Variants in CIMIP6 observed in about 807,000 individuals in gnomAD.
The protein encoded by CIMIP6 is ciliary microtubule inner protein 6, also known as uncharacterized protein C2orf73.
the CIMIP6 span, among the ~76,000 whole-genome samples, chr2:54,332,960 G>A: frequency 2.0e-5 from 3 of 152,276 alleles, no homozygotes; most frequent in East Asian, 5.8e-4. Context: ...TGGGAAGCAG[G>A]GAACTAGAAT....
chr2:54,371,669 G>A, the CIMIP6 span, among the ~76,000 whole-genome samples: 1 of 152,242 alleles, frequency 6.6e-6, no homozygotes, highest in Non-Finnish European at 1.5e-5. Context: ...GGTGGGCGAA[G>A]GCAAGGGCAG....
At chr2:54,349,235 A>G in the CIMIP6 span, among the ~76,000 whole-genome samples, 1 of 152,088 alleles carries the variant, frequency 6.6e-6, no homozygotes, top group Non-Finnish European at 1.5e-5. Context: ...TTTTTACTGT[A>G]TTTTGAAAAT....
the CIMIP6 span, among the ~76,000 whole-genome samples, chr2:54,364,806 G>A: frequency 1.1e-3 from 165 of 152,280 alleles, 4 homozygotes; most frequent in East Asian, 0.03. Context: ...AACGGACTAC[G>A]TTGATGTTGG....
chr2:54,349,245 T>C, the CIMIP6 span, among the ~76,000 whole-genome samples: 1 of 152,124 alleles, frequency 6.6e-6, no homozygotes, highest in Non-Finnish European at 1.5e-5. Context: ...ATTTTGAAAA[T>C]CTATACTATT....
the CIMIP6 span, among the ~76,000 whole-genome samples, chr2:54,371,323 A>C: frequency 2.0e-5 from 3 of 152,212 alleles, no homozygotes; most frequent in Admixed American, 6.5e-5. Flanking sequence ...AGGTGCCACC[A>C]CTGGGGCTGA....
At chr2:54,359,486 T>C in the CIMIP6 span, among the ~76,000 whole-genome samples, 1 of 152,108 alleles carries the variant, frequency 6.6e-6, no homozygotes, top group East Asian at 1.9e-4. Context: ...CAAAGCATGC[T>C]GGGCACAGTG....
the CIMIP6 span, chr2:54,339,846 C>T: frequency 1.5e-5 from 3 of 205,938 alleles, 1 homozygote; most frequent in East Asian, 5.2e-4. Flanking sequence ...TAACTAGTTC[C>T]TCTAGGATAC....
the CIMIP6 span, chr2:54,360,286 T>G: frequency 3.3e-5 from 54 of 1,612,084 alleles, no homozygotes; most frequent in Non-Finnish European, 4.5e-5. Flanking sequence ...TACTGAACAC[T>G]CCAGGGTCAC....
At chr2:54,331,006 G>A in the CIMIP6 span, 1 of 1,613,788 alleles carries the variant, frequency 6.2e-7, no homozygotes, top group Non-Finnish European at 8.5e-7. Context: ...GCATCAGTAA[G>A]TGCTGGGGTT....
chr2:54,367,671 C>T, the CIMIP6 span, among the ~76,000 whole-genome samples: 1 of 151,962 alleles, frequency 6.6e-6, no homozygotes, highest in African/African-American at 2.4e-5. Flanking sequence ...AAACCCTTTC[C>T]ACCACAGAAC....
At chr2:54,350,086 C>T in the CIMIP6 span, among the ~76,000 whole-genome samples, 1 of 152,174 alleles carries the variant, frequency 6.6e-6, no homozygotes, top group Non-Finnish European at 1.5e-5. Context: ...GAACTCCTGA[C>T]CTCAGGTGAT....
chr2:54,356,968 TA>T, the CIMIP6 span, among the ~76,000 whole-genome samples: 1,441 of 151,994 alleles, frequency 9.5e-3, 26 homozygotes, highest in African/African-American at 0.033. Flanking sequence ...ATGATATTCA[TA>T]AAAAAAATGG....
chr2:54,358,904 A>G, the CIMIP6 span: 9 of 782,976 alleles, frequency 1.1e-5, no homozygotes, highest in South Asian at 1.9e-5. Flanking sequence ...TACTGATTAT[A>G]TGTCCATAAA....
At chr2:54,382,296 T>C in the CIMIP6 span, among the ~76,000 whole-genome samples, 1 of 152,200 alleles carries the variant, frequency 6.6e-6, no homozygotes, top group Non-Finnish European at 1.5e-5. Context: ...ACAATAAAAC[T>C]GAGCCAGTGC....
chr2:54,331,530 CT>C, the CIMIP6 span, among the ~76,000 whole-genome samples: 1 of 152,116 alleles, frequency 6.6e-6, no homozygotes, highest in African/African-American at 2.4e-5. Context: ...CCTATGGAGT[CT>C]ACACAACACG....
the CIMIP6 span, among the ~76,000 whole-genome samples, chr2:54,354,860 T>A: frequency 1.3e-5 from 2 of 152,020 alleles, no homozygotes; most frequent in Non-Finnish European, 2.9e-5. Flanking sequence ...AACAATAGAA[T>A]TTTAGTTCTG....
At chr2:54,360,540 C>T in the CIMIP6 span, 1 of 1,500,266 alleles carries the variant, frequency 6.7e-7, no homozygotes, top group Non-Finnish European at 8.9e-7. Context: ...CCTTTAAATC[C>T]ACCAATTAAA....
At chr2:54,333,904 A>G in the CIMIP6 span, among the ~76,000 whole-genome samples, 329 of 152,236 alleles carry the variant, frequency 2.2e-3, 1 homozygote, top group African/African-American at 7.3e-3. Flanking sequence ...AAGGAAAAAA[A>G]GAAAAATGAT....
the CIMIP6 span, among the ~76,000 whole-genome samples, chr2:54,363,382 T>C: frequency 1.3e-5 from 2 of 152,186 alleles, no homozygotes; most frequent in Admixed American, 6.5e-5. Flanking sequence ...GTGTATGATT[T>C]GATTCATGCC....
Sources: gnomAD v4.1 joint callset for allele counts (sites outside exome capture counted in the v4.1 genomes callset) on GRCh38, gnomAD v4.1.1 for gene constraint, MANE v1.5 for transcripts, NCBI Gene and HGNC (gene_info 2026-07-23, HGNC 2026-07-21) for gene names.